TANC1: variants seen among roughly 807,000 people sequenced by gnomAD.
The protein encoded by TANC1 is tetratricopeptide repeat, ankyrin repeat and coiled-coil containing 1.
A neutral mutation model predicts 149.7 loss-of-function variants in TANC1; 77 were observed. The observed-to-expected ratio is 0.51, with a 90% CI of 0.43 to 0.62. The LOEUF is 0.62. TANC1 is among the 20% of genes least tolerant of loss of function. TANC1 has a pLI of 0.00. For missense variants in TANC1, 1,985 were observed against 2,321.8 expected (o/e 0.85, Z 2.98); for synonymous variants, 854 against 925.0 (o/e 0.92, Z 1.39).
intron 3 of TANC1, among the ~76,000 whole-genome samples, chr2:159,089,648 C>T (rs2045322893): frequency 6.6e-6 from 1 of 152,182 alleles, no homozygotes; most frequent in Non-Finnish European, 1.5e-5. Flanking sequence ...TGCAAGTGTG[C>T]CCACACCCAA....
intron 3 of TANC1, among the ~76,000 whole-genome samples, chr2:159,095,866 C>G (rs2046072477): frequency 6.6e-6 from 1 of 151,912 alleles, no homozygotes. Flanking sequence ...ACAGTGATAC[C>G]ACTTGAAACT....
chr2:159,045,032 C>G (rs1367748694), intron 2 of TANC1, among the ~76,000 whole-genome samples: 2 of 152,210 alleles, frequency 1.3e-5, no homozygotes, highest in Non-Finnish European at 2.9e-5. Context: ...TCCTGTGAAG[C>G]TTTAAAAATT....
intron 4 of TANC1, among the ~76,000 whole-genome samples, chr2:159,132,381 C>T (rs918404061): frequency 1.3e-5 from 2 of 152,132 alleles, no homozygotes; most frequent in African/African-American, 2.4e-5. Flanking sequence ...GTGGATTTTC[C>T]CCTTGTAGCA....
At chr2:159,084,025 G>A (rs1396711819) in intron 3 of TANC1, among the ~76,000 whole-genome samples, 1 of 152,238 alleles carries the variant, frequency 6.6e-6, no homozygotes, top group Non-Finnish European at 1.5e-5. Context: ...GCCGAGGCGG[G>A]CGGATCATGA....
intron 2 of TANC1, among the ~76,000 whole-genome samples, chr2:159,015,113 C>G (rs979324749): frequency 1.2e-4 from 19 of 152,250 alleles, no homozygotes; most frequent in African/African-American, 4.6e-4. Flanking sequence ...CAGAGGTTCT[C>G]CGTGAGGGGT....
intron 17 of TANC1, among the ~76,000 whole-genome samples, chr2:159,196,172 C>T (rs13409490): frequency 0.034 from 5,152 of 152,274 alleles, 120 homozygotes; most frequent in African/African-American, 0.066. Context: ...TCTCTTTCTT[C>T]GGATCCCCTG....
chr2:159,116,107 A>G (rs1003397009), intron 4 of TANC1, among the ~76,000 whole-genome samples: 10 of 152,088 alleles, frequency 6.6e-5, no homozygotes, highest in African/African-American at 2.4e-4. Context: ...GAGGCTGTGA[A>G]GGTCAAGTAT....
intron 4 of TANC1, among the ~76,000 whole-genome samples, chr2:159,127,930 T>C (rs745707725): frequency 2.2e-4 from 34 of 152,224 alleles, no homozygotes; most frequent in South Asian, 4.1e-4. Context: ...ATTGTGAACA[T>C]TTACATCCTC....
intron 19 of TANC1, among the ~76,000 whole-genome samples, chr2:159,210,048 C>T (rs1337052717): frequency 6.6e-6 from 1 of 152,164 alleles, no homozygotes; most frequent in Non-Finnish European, 1.5e-5. Context: ...AGAGCCCAGC[C>T]GCCCTGCCCT....
chr2:159,217,619 G>A lies in TANC1; in HGVS notation c.3367G>A (p.Gly1123Arg), dbSNP rs778544975. The A allele has an allele frequency of 6.2e-7, 1 of 1,614,106 alleles. No individual in the cohort carries two copies. The highest frequency in any genetic ancestry group is 8.5e-7 in the Non-Finnish European group (1 of 1,180,028). The change falls in exon 20 of 27, where the codon GGG (glycine) becomes AGG (arginine). Residue 1123 changes from glycine (G) to arginine (R), a missense_variant. Gly to Arg is a moderately radical substitution (Grantham distance 125). Transcript: ENST00000263635. ...VPPLFCAARQGHWQIVRLLLE... is the reference protein window; with the variant it reads ...VPPLFCAARQRHWQIVRLLLE... ...ACCTTTGTTTTGTGCAGCACGCCAG[G>A]GGCATTGGCAGGTACCCAGGGGGCC...
intron 19 of TANC1, among the ~76,000 whole-genome samples, chr2:159,201,920 C>A (rs1481119946): frequency 6.6e-6 from 1 of 152,188 alleles, no homozygotes; most frequent in East Asian, 1.9e-4. Context: ...TGCAGGGATA[C>A]CCCCGTTAGG....
chr2:159,109,250 G>A (rs749362243), intron 4 of TANC1, among the ~76,000 whole-genome samples: 30 of 152,220 alleles, frequency 2.0e-4, no homozygotes, highest in South Asian at 4.1e-4. Context: ...GCAGGTGGAC[G>A]CAGCTGGATT....
At chr2:159,083,129 G>C (rs1463220364) in intron 3 of TANC1, among the ~76,000 whole-genome samples, 3 of 152,072 alleles carry the variant, frequency 2.0e-5, no homozygotes, top group Non-Finnish European at 4.4e-5. Flanking sequence ...ATTTTTAGTA[G>C]GGATGGGGTT....
At chr2:159,011,323 C>A (rs264612) in intron 2 of TANC1, among the ~76,000 whole-genome samples, 104,385 of 151,696 alleles carry the variant, frequency 0.69, 36,101 homozygotes, top group Non-Finnish European at 0.73. Flanking sequence ...GGAAGTAAAA[C>A]AACAACAACA....
chr2:159,174,657 G>A (rs1285901716), intron 11 of TANC1, among the ~76,000 whole-genome samples: 1 of 152,092 alleles, frequency 6.6e-6, no homozygotes, highest in Non-Finnish European at 1.5e-5. Flanking sequence ...AGCCAGGGTA[G>A]GTTTTAGGTT....
chr2:159,193,718 T>C (rs1295945819), intron 16 of TANC1, among the ~76,000 whole-genome samples: 1 of 152,132 alleles, frequency 6.6e-6, no homozygotes, highest in Non-Finnish European at 1.5e-5. Flanking sequence ...GAGACGGGGT[T>C]TCACCATGTT....
At chr2:159,118,818 T>C (rs963343889) in intron 4 of TANC1, among the ~76,000 whole-genome samples, 3 of 152,232 alleles carry the variant, frequency 2.0e-5, no homozygotes, top group Non-Finnish European at 4.4e-5. Context: ...GTTCTGTGAT[T>C]CTTACCCTGT....
At chr2:159,129,698 A>G (rs13014236) in intron 4 of TANC1, among the ~76,000 whole-genome samples, 1 of 151,732 alleles carries the variant, frequency 6.6e-6, no homozygotes, top group African/African-American at 2.4e-5. Flanking sequence ...CTTCTCCTGT[A>G]TCACATAGTG....
chr2:159,053,328 C>A (rs1056897084), intron 2 of TANC1, among the ~76,000 whole-genome samples: 1 of 152,094 alleles, frequency 6.6e-6, no homozygotes, highest in African/African-American at 2.4e-5. Flanking sequence ...CCCATATGCC[C>A]TTTCTCACAG....
Sources: allele counts gnomAD v4.1 joint callset (sites outside exome capture counted in the v4.1 genomes callset), GRCh38; gene constraint gnomAD v4.1.1; transcripts MANE v1.5; gene names NCBI Gene and HGNC (gene_info 2026-07-23, HGNC 2026-07-21).